SDHAF3: variants seen among roughly 807,000 people sequenced by gnomAD.
SDHAF3 encodes the protein succinate dehydrogenase complex assembly factor 3, also known as succinate dehydrogenase assembly factor 3, mitochondrial.
SDHAF3 carries 18 observed loss-of-function variants against 11.5 expected under a neutral mutation model. The observed-to-expected ratio is 1.56, with a 90% CI of 1.08 to 2.32. SDHAF3 has a LOEUF of 2.32. Among genes scored for constraint, SDHAF3 ranks in the 30% most tolerant of loss-of-function variants. The pLI is 0.00. For missense variants in SDHAF3, 200 were observed against 154.4 expected (o/e 1.30, Z -1.57); for synonymous variants, 72 against 59.3 (o/e 1.21, Z -0.99).
chr7:97,170,167 T>G (rs1156399868), intron 1 of SDHAF3, among the ~76,000 whole-genome samples: 2 of 152,086 alleles, frequency 1.3e-5, no homozygotes, highest in African/African-American at 4.8e-5. Flanking sequence ...CATATTAATG[T>G]GTATACTTGG....
chr7:97,143,930 G>A (rs986242490), intron 1 of SDHAF3, among the ~76,000 whole-genome samples: 1 of 152,174 alleles, frequency 6.6e-6, no homozygotes, highest in African/African-American at 2.4e-5. Context: ...CATAGTGGCT[G>A]TACTGGTTTA....
intron 1 of SDHAF3, among the ~76,000 whole-genome samples, chr7:97,121,212 G>A (rs1290711882): frequency 6.6e-6 from 1 of 152,166 alleles, no homozygotes; most frequent in African/African-American, 2.4e-5. Context: ...TTCTGACTGT[G>A]CTCATTTTTG....
intron 1 of SDHAF3, among the ~76,000 whole-genome samples, chr7:97,125,504 C>A (rs954938264): frequency 1.8e-4 from 27 of 152,176 alleles, no homozygotes; most frequent in African/African-American, 6.3e-4. Context: ...CACATAGTCC[C>A]ATATTTCTTG....
At chr7:97,166,014 G>GT (rs1789499277) in intron 1 of SDHAF3, among the ~76,000 whole-genome samples, 1 of 152,168 alleles carries the variant, frequency 6.6e-6, no homozygotes, top group African/African-American at 2.4e-5. Flanking sequence ...TGGGGCAGGG[G>GT]TACAGGTGTC....
chr7:97,169,754 A>G (rs1287670194), intron 1 of SDHAF3, among the ~76,000 whole-genome samples: 1 of 152,144 alleles, frequency 6.6e-6, no homozygotes, highest in African/African-American at 2.4e-5. Context: ...AAAAAAAGAA[A>G]AAATTATAGT....
At chr7:97,176,857 A>G (rs1376980453) in intron 1 of SDHAF3, among the ~76,000 whole-genome samples, 1 of 152,160 alleles carries the variant, frequency 6.6e-6, no homozygotes, top group African/African-American at 2.4e-5. Context: ...TTATGTATTC[A>G]CCACTCAGAT....
At position 97,121,029 on chromosome 7, in the gene SDHAF3, C is replaced by T. The variant is rs188826219; in HGVS notation, c.174+3132C>T. On this transcript the variant is annotated intron_variant, in intron 1 of 1. Transcript: ENST00000432641. ...TAAATAGTGAATTTATGTAATTTCT[C>T]ACCATAAGAGAAAAAATTTAAGTTC... is the stretch of plus-strand genomic sequence containing the variant. Among the ~76,000 whole-genome samples, 23 of 152,276 alleles carry T rather than the reference C, an allele frequency of 1.5e-4. No homozygotes were observed. The East Asian group carries it at 4.2e-3, about 28-fold the overall frequency.
chr7:97,140,105 C>A (rs1421831250), intron 1 of SDHAF3, among the ~76,000 whole-genome samples: 1 of 152,086 alleles, frequency 6.6e-6, no homozygotes, highest in Non-Finnish European at 1.5e-5. Flanking sequence ...GTCATGAATT[C>A]TATGTTCTAG....
intron 1 of SDHAF3, among the ~76,000 whole-genome samples, chr7:97,155,795 C>T (rs1401920534): frequency 1.3e-5 from 2 of 151,816 alleles, no homozygotes; most frequent in Non-Finnish European, 2.9e-5. Flanking sequence ...ACTTTTGGAG[C>T]ATATATATTT....
chr7:97,157,764 A>C (rs952286830), intron 1 of SDHAF3, among the ~76,000 whole-genome samples: 6 of 152,150 alleles, frequency 3.9e-5, no homozygotes, highest in Admixed American at 2.0e-4. Flanking sequence ...TGGCACATGC[A>C]TACCATGAAA....
intron 1 of SDHAF3, among the ~76,000 whole-genome samples, chr7:97,148,010 T>G (rs529014293): frequency 3.7e-4 from 57 of 152,102 alleles, no homozygotes; most frequent in African/African-American, 1.4e-3. Flanking sequence ...TTCAAGCAAT[T>G]CTCATACCTC....
At chr7:97,128,381 G>T (rs551505810) in intron 1 of SDHAF3, among the ~76,000 whole-genome samples, 5 of 152,210 alleles carry the variant, frequency 3.3e-5, no homozygotes, top group Admixed American at 6.5e-5. Context: ...TTATAACAAT[G>T]CTCATGATAA....
At chr7:97,125,963 T>TA (rs1791567290) in intron 1 of SDHAF3, among the ~76,000 whole-genome samples, 1 of 152,212 alleles carries the variant, frequency 6.6e-6, no homozygotes, top group Non-Finnish European at 1.5e-5. Context: ...TTCCTCATCT[T>TA]CATGGATTTA....
At chr7:97,172,477 C>G (rs558769573) in intron 1 of SDHAF3, among the ~76,000 whole-genome samples, 9 of 152,208 alleles carry the variant, frequency 5.9e-5, no homozygotes, top group Non-Finnish European at 1.2e-4. Flanking sequence ...TTTCCATATT[C>G]AAATCCAATT....
At chr7:97,144,610 G>A (rs1339587702) in intron 1 of SDHAF3, among the ~76,000 whole-genome samples, 1 of 152,126 alleles carries the variant, frequency 6.6e-6, no homozygotes, top group Non-Finnish European at 1.5e-5. Flanking sequence ...CTTTGTCGAA[G>A]ATCAGTTGGC....
intron 1 of SDHAF3, among the ~76,000 whole-genome samples, chr7:97,167,975 A>G (rs1789539377): frequency 6.6e-6 from 1 of 152,198 alleles, no homozygotes; most frequent in Admixed American, 6.5e-5. Context: ...GCATGCCCAC[A>G]GTGAACTAGA....
At position 97,181,047 on chromosome 7, in the gene SDHAF3, A is replaced by C. The variant is rs781631689; in HGVS notation, c.210A>C (p.Glu70Asp). The C allele has an allele frequency of 6.2e-7, 1 of 1,614,002 alleles. No homozygotes were observed. The highest frequency in any genetic ancestry group is 1.1e-5 in the South Asian group (1 of 91,066). Reference sequence around the variant, plus strand: ...CAGCGTTATTGCAACAGGCTAACGAAAACAGACAAAATTCAACTGGAAAAG... The same window carrying C: ...CAGCGTTATTGCAACAGGCTAACGACAACAGACAAAATTCAACTGGAAAAG... The part of the protein sequence containing the change: ...YATALLQQAN[E>D]NRQNSTGKAC... The change falls in exon 2 of 2, where the codon GAA becomes GAC. Residue 70 changes from glutamate to aspartate, a missense_variant. By Grantham distance (45) the Glu-to-Asp change is conservative. Transcript: ENST00000432641.
At chr7:97,133,449 CTG>C (rs1435077031) in intron 1 of SDHAF3, among the ~76,000 whole-genome samples, 3 of 152,128 alleles carry the variant, frequency 2.0e-5, no homozygotes, top group Non-Finnish European at 4.4e-5. Context: ...TCAGACCTCA[CTG>C]TGTCTGCAGT....
intron 1 of SDHAF3, among the ~76,000 whole-genome samples, chr7:97,146,420 A>G (rs929614236): frequency 6.6e-6 from 1 of 152,202 alleles, no homozygotes; most frequent in African/African-American, 2.4e-5. Context: ...AAAATTTTCC[A>G]AAATATAAAA....
Sources: allele counts gnomAD v4.1 joint callset (sites outside exome capture counted in the v4.1 genomes callset), GRCh38; gene constraint gnomAD v4.1.1; transcripts MANE v1.5; gene names NCBI Gene and HGNC (gene_info 2026-07-23, HGNC 2026-07-21).